The following MPV17L2 variants were observed in gnomAD, a reference collection of about 807,000 sequenced individuals.
MPV17L2 encodes mpv17-like protein 2.
Under a neutral mutation model 24.2 loss-of-function variants are expected in MPV17L2, and 25 were observed. The ratio of observed to expected loss-of-function variants is 1.03; its 90% confidence interval spans 0.75 to 1.44. The LOEUF is 1.44. Among genes scored for constraint, MPV17L2 ranks in the 40% most tolerant of loss-of-function variants. The pLI is 0.00. For synonymous variants in MPV17L2, 130 were observed against 121.4 expected, an observed-to-expected ratio of 1.07 and a Z score of -0.46; for missense variants, 271 against 276.2, an observed-to-expected ratio of 0.98 and a Z score of 0.13.
At position 18,193,390 on chromosome 19, in the gene MPV17L2, A is replaced by C. The variant is rs1425647789; in HGVS notation, c.109A>C (p.Met37Leu). ...VTNTLGCGAL[M>L]AAGDGVRQSW... ...TAACACGCTGGGCTGCGGCGCGCTC[A>C]TGGCGGCCGGTGATGGCGTGCGCCA... is the stretch of plus-strand genomic sequence containing the variant. Residue 37 changes from methionine to leucine, a missense_variant, in exon 1 of 5, where the codon ATG (methionine) becomes CTG (leucine). Met to Leu is a conservative substitution (Grantham distance 15). Coordinates refer to ENST00000599612, the MANE Select transcript of MPV17L2 (RefSeq NM_032683.3). 1.3e-6 allele frequency: 2 copies of C among 1,568,584 alleles called. No homozygotes were observed. The highest frequency in any genetic ancestry group is 1.4e-5 in the African/African-American group (1 of 72,614).
At chr19:18,194,166 G>T (rs1967470748) in intron 2 of MPV17L2, 132 bp downstream of exon 2, 2 of 954,096 alleles carry the variant, frequency 2.1e-6, no homozygotes, top group South Asian at 1.6e-5. Flanking sequence ...CTAGGAGCCA[G>T]GTCACAGCGG....
Position 18,193,347 on chromosome 19 carries a change from C to A in MPV17L2, c.66C>A (p.Gly22=). ...CCGCGGGGCAGCTTCTATTCCAGGG[C>A]CGCGCGCTGCTCGTCACTAACACGC... ...LLSAGQLLFQ[G]RALLVTNTLG... The change falls in exon 1 of 5, where the codon GGC becomes GGA. Residue 22 remains glycine, a synonymous_variant. Coordinates refer to ENST00000599612, the MANE Select transcript of MPV17L2 (RefSeq NM_032683.3). 1 of 1,564,682 alleles carries A rather than the reference C, an allele frequency of 6.4e-7. No homozygotes were observed. Among genetic ancestry groups the A allele is most frequent in the Admixed American group, 1.8e-5 (1 of 55,018 alleles).
chr19:18,194,627 A>G, intron 2 of MPV17L2, 150 bp from the exon 3 acceptor site: 1 of 640,928 alleles, frequency 1.6e-6, no homozygotes, highest in Admixed American at 2.8e-5. Flanking sequence ...TTCTCTGTCC[A>G]TCCCATCTGA....
intron 2 of MPV17L2, 58 bp downstream of exon 2, chr19:18,194,092 G>T (rs1407140014): frequency 6.4e-7 from 1 of 1,571,500 alleles, no homozygotes; most frequent in African/African-American, 1.4e-5. Flanking sequence ...GGTGGAGCCA[G>T]CTTTGTGTTA....
intron 2 of MPV17L2, 130 bp downstream of exon 2, chr19:18,194,164 C>T (rs1211164800): frequency 1.1e-4 from 107 of 992,064 alleles, no homozygotes; most frequent in Non-Finnish European, 1.6e-4. Flanking sequence ...GACTAGGAGC[C>T]AGGTCACAGC....
Position 18,195,047 on chromosome 19 carries a change from G to T in MPV17L2, c.525G>T (p.Thr175=). Reference sequence around the variant, plus strand: ...GAGTCACCTACATCAACGGCCTGACGCTGGGCTGGGACACGTACCTGTCCT... The same window carrying T: ...GAGTCACCTACATCAACGGCCTGACTCTGGGCTGGGACACGTACCTGTCCT... ...QFRVTYINGL[T]LGWDTYLSYL... is the part of the protein sequence containing the mutation. The change falls in exon 4 of 5, where the codon ACG becomes ACT. Residue 175 remains threonine, a synonymous_variant. Coordinates refer to ENST00000599612, the MANE Select transcript of MPV17L2 (RefSeq NM_032683.3). 6.2e-7 allele frequency: 1 copy of T among 1,614,130 alleles called. No individual in the cohort carries two copies. The highest frequency in any genetic ancestry group is 2.2e-5 in the East Asian group (1 of 44,882).
At chr19:18,193,661 C>T in intron 1 of MPV17L2, 193 bp downstream of exon 1, 5 of 1,427,022 alleles carry the variant, frequency 3.5e-6, no homozygotes, top group Non-Finnish European at 4.6e-6. Context: ...GGTCTCTGCC[C>T]ACTACCCAGG....
At position 18,193,468 on chromosome 19, in the gene MPV17L2, G is replaced by T. The variant is rs745809922; in HGVS notation, c.187G>T (p.Ala63Ser). The T allele has an allele frequency of 2.0e-6, 3 of 1,515,620 alleles. No individual in the cohort carries two copies. The highest frequency in any genetic ancestry group is 2.1e-5 in the Admixed American group (1 of 47,286). The allele number at this position is 1,515,620 out of a possible 1,614,324, so 93.9% of individuals were successfully genotyped here. A position where few individuals can be genotyped will look rare whatever the true frequency, so the allele number is the denominator to read the frequency against. The change falls in exon 1 of 5, where the codon GCG (alanine) becomes TCG (serine). Residue 63 changes from alanine (A) to serine (S), a missense_variant and splice_region_variant. By Grantham distance (99) the Ala-to-Ser change is moderately conservative. Coordinates refer to ENST00000599612, the MANE Select transcript of MPV17L2 (RefSeq NM_032683.3). Reference sequence around the variant, plus strand: ...CCAGGTTTTCGACCCACGGCGCTCCGGTGAGGACGCCACGCTGCTTAGTCC... The same window carrying T: ...CCAGGTTTTCGACCCACGGCGCTCCTGTGAGGACGCCACGCTGCTTAGTCC... ...PGQVFDPRRS[A>S]SMFAVGCSMG...
chr19:18,193,638 C>A, intron 1 of MPV17L2, 170 bp downstream of exon 1: 2 of 1,419,244 alleles, frequency 1.4e-6, no homozygotes, highest in Non-Finnish European at 1.8e-6. Flanking sequence ...TCCATCACCT[C>A]CCAACCCCCG....
rs1321803766 is a variant in MPV17L2, at chr19:18,196,412, A to G, written c.*357A>G. 1.5e-6 allele frequency: 2 copies of G among 1,314,630 alleles called. No individual in the cohort carries two copies. The highest frequency in any genetic ancestry group is 2.5e-5 in the South Asian group (2 of 81,214). 81.4% of individuals were successfully genotyped at this position (1,314,630 alleles called of 1,614,324 possible). A position where few individuals can be genotyped will look rare whatever the true frequency, so the allele number is the denominator to read the frequency against. Reference sequence around the variant, plus strand: ...TGGCTCTGGGCCAAGCCACCAATCCAGAGCTCCCTCAGGTCCTGGGACTAA... The same window carrying G: ...TGGCTCTGGGCCAAGCCACCAATCCGGAGCTCCCTCAGGTCCTGGGACTAA... On this transcript the variant is annotated 3_prime_UTR_variant, in exon 5 of 5. Transcript: ENST00000599612.
At chr19:18,194,698 C>T in intron 2 of MPV17L2, 79 bp from the exon 3 acceptor site, 1 of 1,355,280 alleles carries the variant, frequency 7.4e-7, no homozygotes, top group South Asian at 1.3e-5. Flanking sequence ...AACCCCGCCC[C>T]CTCCATCGTC....
intron 4 of MPV17L2, among the ~76,000 whole-genome samples, 160 bp from the exon 5 acceptor site, chr19:18,195,835 TCAAA>T (rs954149338): frequency 1.3e-5 from 2 of 152,238 alleles, no homozygotes; most frequent in African/African-American, 2.4e-5. Flanking sequence ...AGACTCCGTC[TCAAA>T]CAAACAAAAA....
At chr19:18,194,719 G>A in intron 2 of MPV17L2, 58 bp from the exon 3 acceptor site, 1 of 1,483,882 alleles carries the variant, frequency 6.7e-7, no homozygotes, top group Non-Finnish European at 9.2e-7. Context: ...AGCCCATCTT[G>A]TCGTCTCAAC....
chr19:18,195,002 C>G lies in MPV17L2; in HGVS notation c.480C>G (p.Leu160=). Residue 160 remains leucine, a synonymous_variant, in exon 4 of 5, where the codon CTC becomes CTG. Transcript: ENST00000599612. ...VWPAAQFVNF[L]FVPPQFRVTY... ...CTGCTGCGCAGTTCGTGAACTTCCT[C>G]TTCGTGCCCCCCCAATTTCGAGTCA... 6.2e-7 allele frequency: 1 copy of G among 1,614,072 alleles called. No individual in the cohort carries two copies. The highest frequency in any genetic ancestry group is 8.5e-7 in the Non-Finnish European group (1 of 1,179,982).
intron 4 of MPV17L2, 86 bp from the exon 5 acceptor site, chr19:18,195,912 AG>A (rs1967509192): frequency 3.8e-6 from 5 of 1,305,798 alleles, no homozygotes; most frequent in Non-Finnish European, 4.3e-6. Context: ...TCTGTTGAGC[AG>A]GGCTGACCTC....
At position 18,193,962 on chromosome 19, in the gene MPV17L2, C is replaced by G. The variant is rs201632451; in HGVS notation, c.286C>G (p.Pro96Ala). The G allele has an allele frequency of 6.2e-7, 1 of 1,614,212 alleles. No homozygotes were observed. Among genetic ancestry groups the G allele is most frequent in the African/African-American group, 1.3e-5 (1 of 75,066 alleles). ...LFPASGLRGF[P>A]NVLKKVLVDQ... ...CCCTGCGTCTGGCCTCCGAGGCTTC[C>G]CAAATGTCCTCAAGAAGGTCCTCGT... is the stretch of plus-strand genomic sequence containing the variant. The change falls in exon 2 of 5, where the codon CCA becomes GCA. Residue 96 changes from proline to alanine, a missense_variant. Pro to Ala is a conservative substitution (Grantham distance 27, BLOSUM62 -1). Transcript: ENST00000599612.
chr19:18,196,209 G>T lies in MPV17L2; in HGVS notation c.*154G>T. 6.5e-7 allele frequency: 1 copy of T among 1,536,792 alleles called. No individual in the cohort carries two copies. Among genetic ancestry groups the T allele is most frequent in the Non-Finnish European group, 8.7e-7 (1 of 1,145,990 alleles). On this transcript the variant is annotated 3_prime_UTR_variant, in exon 5 of 5. Coordinates refer to ENST00000599612, the MANE Select transcript of MPV17L2 (RefSeq NM_032683.3). Reference sequence around the variant, plus strand: ...CATTGGGCTGAGCCGCCCTTTCCAAGCTCACTTCTGGGACTGAGTTTCCTC... The same window carrying T: ...CATTGGGCTGAGCCGCCCTTTCCAATCTCACTTCTGGGACTGAGTTTCCTC...
chr19:18,196,619 A>G lies in MPV17L2; in HGVS notation c.*564A>G, dbSNP rs1188803788. On this transcript the variant is annotated 3_prime_UTR_variant, in exon 5 of 5. Coordinates refer to ENST00000599612, the MANE Select transcript of MPV17L2 (RefSeq NM_032683.3). ...CTGGGCGCAGTGGCTCCCACCTGTA[A>G]TCTCAGCCCTTCCCGAGGCTGAGGT... 2.5e-6 allele frequency: 1 copy of G among 403,442 alleles called. No individual in the cohort carries two copies. Among genetic ancestry groups the G allele is most frequent in the East Asian group, 7.3e-5 (1 of 13,736 alleles). 25.0% of individuals were successfully genotyped at this position (403,442 alleles called of 1,614,324 possible).
chr19:18,194,873 G>C lies in MPV17L2; in HGVS notation c.435+20G>C, dbSNP rs751069693. The C allele has an allele frequency of 1.0e-5, 16 of 1,600,974 alleles. No individual in the cohort carries two copies. The highest frequency in any genetic ancestry group is 2.6e-6 in the Non-Finnish European group (3 of 1,174,666). On this transcript the variant is annotated intron_variant, in intron 3 of 4. Coordinates refer to ENST00000599612, the MANE Select transcript of MPV17L2 (RefSeq NM_032683.3). Reference sequence around the variant, plus strand: ...TACAAGGTGGGAGCACCCGCCCCTTGCACATGTCCGGCCCCGCCCCCTGAT... The same window carrying C: ...TACAAGGTGGGAGCACCCGCCCCTTCCACATGTCCGGCCCCGCCCCCTGAT...
Sources: allele counts gnomAD v4.1 joint callset (sites outside exome capture counted in the v4.1 genomes callset), GRCh38; gene constraint gnomAD v4.1.1; transcripts MANE v1.5; gene names NCBI Gene and HGNC (gene_info 2026-07-23, HGNC 2026-07-21).